Variants in AFF3 observed in about 807,000 individuals in gnomAD.
AFF3 encodes ALF transcription elongation factor 3.
Under a neutral mutation model 129.7 loss-of-function variants are expected in AFF3, and 32 were observed. The ratio of observed to expected loss-of-function variants is 0.25; its 90% confidence interval spans 0.19 to 0.33. The LOEUF is 0.33. Ranked by LOEUF, AFF3 falls within the 10% of genes least tolerant of loss-of-function variation. AFF3 has a pLI of 1.00. For synonymous variants in AFF3, 644 were observed against 635.4 expected (o/e 1.01, Z -0.20); for missense variants, 1,373 against 1,592.0 (o/e 0.86, Z 2.34).
intron 13 of AFF3, among the ~76,000 whole-genome samples, chr2:99,612,432 A>C (rs1170340203): frequency 6.6e-6 from 1 of 152,248 alleles, no homozygotes. Context: ...GGTGTATACC[A>C]AACCTGAAAA....
chr2:100,125,542 C>A (rs1692148164), intron 2 of AFF3, among the ~76,000 whole-genome samples: 1 of 152,096 alleles, frequency 6.6e-6, no homozygotes, highest in Non-Finnish European at 1.5e-5. Flanking sequence ...GAAGTTCACC[C>A]TGGGCAATGG....
At chr2:100,140,840 T>C (rs777292931) in intron 1 of AFF3, among the ~76,000 whole-genome samples, 3 of 152,126 alleles carry the variant, frequency 2.0e-5, no homozygotes, top group Admixed American at 6.5e-5. Context: ...AGCTACAGTG[T>C]AAGGACTGTA....
intron 8 of AFF3, 128 bp from the exon 9 acceptor site, chr2:99,752,429 AAG>A (rs1336213818): frequency 1.5e-6 from 1 of 664,634 alleles, no homozygotes; most frequent in Non-Finnish European, 2.5e-6. Flanking sequence ...CAAAGGCTGA[AAG>A]AATTTTAAAA....
chr2:99,920,130 C>CA (rs1695753954), intron 7 of AFF3, among the ~76,000 whole-genome samples: 1 of 151,774 alleles, frequency 6.6e-6, no homozygotes, highest in African/African-American at 2.4e-5. Flanking sequence ...TAAGTTTTTC[C>CA]AAAAAATGAA....
chr2:99,813,891 T>C (rs1397766944), intron 8 of AFF3, among the ~76,000 whole-genome samples: 1 of 152,218 alleles, frequency 6.6e-6, no homozygotes, highest in Non-Finnish European at 1.5e-5. Flanking sequence ...CTGCTGACCC[T>C]ACCAAGTTGA....
intron 4 of AFF3, among the ~76,000 whole-genome samples, chr2:100,021,199 T>C (rs1262921868): frequency 1.3e-5 from 2 of 152,206 alleles, no homozygotes; most frequent in Non-Finnish European, 2.9e-5. Context: ...GCACTTCTTA[T>C]GCTAATTATC....
chr2:99,584,393 G>C (rs1424408996), intron 16 of AFF3, among the ~76,000 whole-genome samples: 7 of 152,148 alleles, frequency 4.6e-5, no homozygotes, highest in Non-Finnish European at 1.5e-5. Flanking sequence ...GAATCGCTTG[G>C]GAGAGGTGGA....
intron 11 of AFF3, among the ~76,000 whole-genome samples, chr2:99,675,265 C>A (rs2104491065): frequency 6.6e-6 from 1 of 152,318 alleles, no homozygotes; most frequent in African/African-American, 2.4e-5. Flanking sequence ...TCTAACTAAA[C>A]TTCAGAATAT....
At chr2:99,997,476 C>A (rs1297452161) in intron 7 of AFF3, among the ~76,000 whole-genome samples, 1 of 49,686 alleles carries the variant, frequency 2.0e-5, no homozygotes, top group African/African-American at 1.7e-4. Flanking sequence ...GCAACTATCA[C>A]CCCCCCCCCA....
At chr2:99,928,323 G>C (rs1356641045) in intron 7 of AFF3, among the ~76,000 whole-genome samples, 1 of 152,176 alleles carries the variant, frequency 6.6e-6, no homozygotes, top group Non-Finnish European at 1.5e-5. Flanking sequence ...ATGGCATTAT[G>C]TAAGTTTTTA....
At chr2:99,583,511 T>G (rs1677784843) in intron 16 of AFF3, among the ~76,000 whole-genome samples, 1 of 151,424 alleles carries the variant, frequency 6.6e-6, no homozygotes, top group South Asian at 2.1e-4. Flanking sequence ...GCCTCCTGAG[T>G]AGCAGGGACT....
At chr2:99,639,676 TA>T (rs1403337714) in intron 13 of AFF3, among the ~76,000 whole-genome samples, 1 of 146,152 alleles carries the variant, frequency 6.8e-6, no homozygotes, top group Non-Finnish European at 1.5e-5. Flanking sequence ...TTTATGTATT[TA>T]TTTTTTTAAT....
rs183500568 is a variant in AFF3 at position 99,684,255 on chromosome 2, T to G, written c.1092-11666A>C. On this transcript the variant is annotated intron_variant, in intron 11 of 24. Transcript: ENST00000672756. ...CCATGGGGTCATTTAAGACTCATCATGGAATTTTAACAACCTTATCCTACG... is the reference window on the plus strand; with the variant it reads ...CCATGGGGTCATTTAAGACTCATCAGGGAATTTTAACAACCTTATCCTACG... 5.9e-5 allele frequency among the ~76,000 whole-genome samples: 9 copies of G among 152,350 alleles called. No individual in the cohort carries two copies. The East Asian group carries it at 1.7e-3, about 29-fold the overall frequency.
At chr2:99,849,930 C>T (rs1690024780) in intron 7 of AFF3, among the ~76,000 whole-genome samples, 1 of 152,176 alleles carries the variant, frequency 6.6e-6, no homozygotes, top group Non-Finnish European at 1.5e-5. Context: ...ATGTGTTCAG[C>T]ATGTCCTATA....
intron 8 of AFF3, among the ~76,000 whole-genome samples, chr2:99,818,793 T>A: frequency 6.6e-6 from 1 of 152,306 alleles, no homozygotes; most frequent in East Asian, 1.9e-4. Context: ...TTTAGAAATA[T>A]AGTATACTAG....
At chr2:99,577,646 C>T (rs1482983693) in intron 18 of AFF3, among the ~76,000 whole-genome samples, 9 of 152,240 alleles carry the variant, frequency 5.9e-5, no homozygotes, top group Non-Finnish European at 1.5e-5. Flanking sequence ...GCCTTCCAGG[C>T]TTGTCCTTGA....
rs543984314 is a variant in AFF3 at position 100,023,769 on chromosome 2, T to C, written c.54-14837A>G. Among the ~76,000 whole-genome samples the C allele has an allele frequency of 2.0e-5, 3 of 152,268 alleles. No individual in the cohort carries two copies. The East Asian group carries it at 5.8e-4, about 29-fold the overall frequency. On this transcript the variant is annotated intron_variant, in intron 4 of 24. Coordinates refer to ENST00000672756, the MANE Select transcript of AFF3 (RefSeq NM_001386135.1). ...AGTGGTTGGCAATGTTAAAGTGCTC[T>C]GCCAAGGTAAAATATCATCAATACC... is the stretch of plus-strand genomic sequence containing the variant.
At chr2:99,631,548 C>CT (rs1683119836) in intron 13 of AFF3, among the ~76,000 whole-genome samples, 1 of 152,182 alleles carries the variant, frequency 6.6e-6, no homozygotes, top group Middle Eastern at 3.2e-3. Context: ...ATTCTACCTC[C>CT]TGTCTCTATG....
At chr2:100,031,443 C>A (rs79251332) in intron 4 of AFF3, among the ~76,000 whole-genome samples, 1,744 of 152,284 alleles carry the variant, frequency 0.011, 30 homozygotes, top group Middle Eastern at 0.014. Flanking sequence ...GAAATGTATA[C>A]ATACACACAG....
Sources: gnomAD v4.1 joint callset for allele counts (sites outside exome capture counted in the v4.1 genomes callset) on GRCh38, gnomAD v4.1.1 for gene constraint, MANE v1.5 for transcripts, NCBI Gene and HGNC (gene_info 2026-07-23, HGNC 2026-07-21) for gene names.